The following CACNA1C variants were observed in gnomAD, a reference collection of about 807,000 sequenced individuals.
CACNA1C encodes voltage-dependent L-type calcium channel subunit alpha-1C.
Under a neutral mutation model 229.0 loss-of-function variants are expected in CACNA1C, and 30 were observed. The ratio of observed to expected loss-of-function variants is 0.13; its 90% CI spans 0.10 to 0.18. CACNA1C has a LOEUF of 0.18. Ranked by LOEUF, CACNA1C falls within the 10% of genes least tolerant of loss-of-function variation. The pLI, the probability that CACNA1C is intolerant of heterozygous loss-of-function variation, is 1.00. For synonymous variants in CACNA1C, 1,114 were observed against 1,132.5 expected (o/e 0.98, Z 0.33); for missense variants, 1,658 against 2,845.0 (o/e 0.58, Z 9.49).
chr12:2,228,085 C>G lies in CACNA1C; in HGVS notation c.477+107655C>G, dbSNP rs369204657. On this transcript the variant is annotated intron_variant, in intron 3 of 46. Coordinates refer to ENST00000399655, the MANE Select transcript of CACNA1C (RefSeq NM_000719.7). ...GAAGAGTTTCTGGGCTTCTGGGACA[C>G]ATGTGAATAGAGTGCAAATGACACT... 9.9e-5 allele frequency among the ~76,000 whole-genome samples: 15 copies of G among 152,238 alleles called. No individual in the cohort carries two copies. The South Asian group carries it at 3.1e-3, about 32-fold the overall frequency.
rs201786748 is a variant in CACNA1C at position 2,675,628 on chromosome 12, C to T, written c.4828+986C>T. On this transcript the variant is annotated intron_variant, in intron 39 of 46. Coordinates refer to ENST00000399655, the MANE Select transcript of CACNA1C (RefSeq NM_000719.7). ...TTAAATAATCCAAAGTATAGTTTTCCTCAATTTACACAGCAGTTGTATTCC... is the reference window on the plus strand; with the variant it reads ...TTAAATAATCCAAAGTATAGTTTTCTTCAATTTACACAGCAGTTGTATTCC... 1.1e-4 allele frequency among the ~76,000 whole-genome samples: 17 copies of T among 152,282 alleles called. No homozygotes were observed. In the East Asian group the frequency reaches 3.3e-3, roughly 29 times the overall value.
At chr12:2,035,162 G>C (rs998841764) in intron 1 of CACNA1C, among the ~76,000 whole-genome samples, 2 of 152,190 alleles carry the variant, frequency 1.3e-5, no homozygotes, top group Admixed American at 6.5e-5. Flanking sequence ...GGCCCTCCGC[G>C]GGGCGCCGGC....
chr12:2,191,817 T>C (rs1315409094), intron 3 of CACNA1C, among the ~76,000 whole-genome samples: 2 of 117,792 alleles, frequency 1.7e-5, no homozygotes, highest in East Asian at 2.5e-4. Flanking sequence ...GGCACACGTA[T>C]GCACACACAC....
In CACNA1C at chr12:2,235,122, C is replaced by T. The variant is rs113256115; in HGVS notation, c.477+114692C>T. ...TTCCAGTGTCTCTATACGTGGCTCT[C>T]TGAGGGCCAGTGTTCTCCCAGCCCC... On this transcript the variant is annotated intron_variant, in intron 3 of 46. Coordinates refer to ENST00000399655, the MANE Select transcript of CACNA1C (RefSeq NM_000719.7). Among the ~76,000 whole-genome samples, 291 of 152,350 alleles carry T rather than the reference C, an allele frequency of 1.9e-3. 1 individual carries two copies. The highest frequency in any genetic ancestry group is 6.7e-3 in the African/African-American group (277 of 41,582).
chr12:2,637,307 C>T (rs946435523), intron 30 of CACNA1C, among the ~76,000 whole-genome samples: 1 of 152,254 alleles, frequency 6.6e-6, no homozygotes, highest in Non-Finnish European at 1.5e-5. Flanking sequence ...ATGGGAGGAA[C>T]TGTGGCACCC....
intron 3 of CACNA1C, among the ~76,000 whole-genome samples, chr12:2,137,841 G>A (rs2093701854): frequency 6.6e-6 from 1 of 151,376 alleles, no homozygotes; most frequent in African/African-American, 2.4e-5. Flanking sequence ...GCTGCAACCT[G>A]CCTGCTGCCA....
chr12:2,063,920 C>A (rs1365372153), intron 1 of CACNA1C, among the ~76,000 whole-genome samples: 1 of 152,142 alleles, frequency 6.6e-6, no homozygotes, highest in Non-Finnish European at 1.5e-5. Flanking sequence ...ATTGCTGGCC[C>A]TGCAATATGA....
At chr12:2,610,770 G>C in intron 28 of CACNA1C, 71 bp downstream of exon 28, 1 of 1,519,432 alleles carries the variant, frequency 6.6e-7, no homozygotes, top group South Asian at 1.1e-5. Context: ...AAGTGTAACG[G>C]AGCGGCAGGC....
At chr12:2,149,374 G>A (rs1251795329) in intron 3 of CACNA1C, among the ~76,000 whole-genome samples, 1 of 152,080 alleles carries the variant, frequency 6.6e-6, no homozygotes, top group Non-Finnish European at 1.5e-5. Flanking sequence ...GAAATGTCAC[G>A]GTCTTTTCTG....
chr12:2,674,583 A>G lies in CACNA1C; in HGVS notation c.4769A>G (p.Lys1590Arg). The part of the protein sequence containing the change: ...QANEELRAII[K>R]KIWKRTSMKL... ...AATGAGGAGCTGCGGGCGATCATCA[A>G]GAAGATCTGGAAGCGGACCAGCATG... is the stretch of plus-strand genomic sequence containing the variant. Residue 1590 changes from lysine (K) to arginine (R), a missense_variant, in exon 39 of 47, where the codon AAG (lysine) becomes AGG (arginine). By Grantham distance (26) the Lys-to-Arg change is conservative (BLOSUM62 2). This residue lies in a region of CACNA1C where 151 missense variants were observed against 344.4 expected (regional missense o/e 0.44). Transcript: ENST00000399655. 1 of 1,575,930 alleles carries G rather than the reference A, an allele frequency of 6.3e-7. No individual in the cohort carries two copies. The highest frequency in any genetic ancestry group is 8.6e-7 in the Non-Finnish European group (1 of 1,160,194).
chr12:2,464,704 A>G (rs777075206), intron 5 of CACNA1C, among the ~76,000 whole-genome samples: 10 of 152,236 alleles, frequency 6.6e-5, no homozygotes, highest in Non-Finnish European at 1.3e-4. Context: ...GTAAAATGTT[A>G]TATCTGGAAG....
Position 2,115,441 on chromosome 12 carries a change from C to G in CACNA1C, c.267C>G (p.Pro89=). ...TQRKRQQYGK[P]KKQGSTTATR... Reference sequence around the variant, plus strand: ...GGAAGCGGCAGCAATATGGGAAACCCAAGAAGCAGGGCAGCACCACGGCCA... The same window carrying G: ...GGAAGCGGCAGCAATATGGGAAACCGAAGAAGCAGGGCAGCACCACGGCCA... Residue 89 remains proline (P), a synonymous_variant, in exon 2 of 47, where the codon CCC becomes CCG. Coordinates refer to ENST00000399655, the MANE Select transcript of CACNA1C (RefSeq NM_000719.7). 1.9e-6 allele frequency: 3 copies of G among 1,613,188 alleles called. No individual in the cohort carries two copies. Among genetic ancestry groups the G allele is most frequent in the Non-Finnish European group, 2.5e-6 (3 of 1,179,880 alleles).
At chr12:2,031,310 A>G (rs903711250) in intron 1 of CACNA1C, among the ~76,000 whole-genome samples, 1 of 152,160 alleles carries the variant, frequency 6.6e-6, no homozygotes, top group African/African-American at 2.4e-5. Flanking sequence ...GTGGCACTCA[A>G]GAGCTTGTTC....
chr12:2,335,388 A>G (rs886900340), intron 3 of CACNA1C, among the ~76,000 whole-genome samples: 1 of 152,098 alleles, frequency 6.6e-6, no homozygotes, highest in Non-Finnish European at 1.5e-5. Flanking sequence ...TCTTGAGACA[A>G]TCTCCAGGGT....
chr12:2,279,262 A>G (rs2090151636), intron 3 of CACNA1C, among the ~76,000 whole-genome samples: 1 of 152,090 alleles, frequency 6.6e-6, no homozygotes, highest in African/African-American at 2.4e-5. Context: ...CCATCTGTTC[A>G]GTTCCATTGA....
Position 2,349,959 on chromosome 12 carries a change from ACAGT to A in CACNA1C, c.478-99013_478-99010del, listed in dbSNP as rs376859137. 3.3e-3 allele frequency among the ~76,000 whole-genome samples: 495 copies of A among 150,596 alleles called. 2 individuals carry two copies. Among genetic ancestry groups the A allele is most frequent in the African/African-American group, 0.012 (474 of 40,858 alleles). On this transcript the variant is annotated intron_variant, in intron 3 of 46. Transcript: ENST00000399655. ...AGTATGTGTAGATGTGGTTGCAGAG[ACAGT>A]CAGAGAAAGAAATGGAGCCAGGACA...
intron 38 of CACNA1C, among the ~76,000 whole-genome samples, chr12:2,672,875 A>G (rs1041995445): frequency 2.6e-5 from 4 of 152,058 alleles, no homozygotes; most frequent in Non-Finnish European, 5.9e-5. Flanking sequence ...TGTGTCAGAA[A>G]CCTCCAGCTA....
intron 3 of CACNA1C, among the ~76,000 whole-genome samples, chr12:2,241,058 A>G (rs1451448863): frequency 6.6e-6 from 1 of 152,110 alleles, no homozygotes; most frequent in Non-Finnish European, 1.5e-5. Context: ...GCCAAGGTTT[A>G]CATAACCAGT....
In CACNA1C at chr12:2,605,799, C is replaced by T. The variant is rs1213873675; in HGVS notation, c.3156+13C>T. ...CCAGCTCTTCAAGGTAAAGTCTGGG[C>T]TCCGTTGTGGTCCTCCTACCTCCCC... On this transcript the variant is annotated intron_variant, in intron 24 of 46. Coordinates refer to ENST00000399655, the MANE Select transcript of CACNA1C (RefSeq NM_000719.7). The surrounding 1 kb of genome is among the most constrained non-coding windows in gnomAD (Gnocchi z 6.2). 1.3e-6 allele frequency: 2 copies of T among 1,572,986 alleles called. No individual in the cohort carries two copies.
Sources: gnomAD v4.1 joint callset for allele counts (sites outside exome capture counted in the v4.1 genomes callset) on GRCh38, gnomAD v4.1.1 for gene constraint, gnomAD v4.1.1 regional missense constraint, Gnocchi (gnomAD v3.1) non-coding constraint, MANE v1.5 for transcripts, NCBI Gene and HGNC (gene_info 2026-07-23, HGNC 2026-07-21) for gene names.